The following RGS6 variants were observed in gnomAD, a reference collection of about 807,000 sequenced individuals.
RGS6 encodes regulator of G-protein signaling 6.
A neutral mutation model predicts 78.5 loss-of-function variants in RGS6; 30 were observed. That is an observed-to-expected ratio of 0.38 (90% CI 0.29 to 0.52). The LOEUF (loss-of-function observed/expected upper bound fraction) is 0.52. Among genes scored for constraint, RGS6 ranks in the 20% least tolerant of loss-of-function variants. The pLI is 0.85. For missense variants in RGS6, 495 were observed against 609.7 expected, an observed-to-expected ratio of 0.81 and a Z score of 1.98; for synonymous variants, 206 against 206.0, an observed-to-expected ratio of 1.00 and a Z score of 0.00.
At chr14:71,980,144 C>A (rs2094369961) in intron 2 of RGS6, among the ~76,000 whole-genome samples, 1 of 121,874 alleles carries the variant, frequency 8.2e-6, no homozygotes, top group South Asian at 3.3e-4. Context: ...TTATTTTGAG[C>A]CTATGTGTGT....
At chr14:72,465,926 T>G in intron 7 of RGS6, 104 bp downstream of exon 7, 1 of 846,456 alleles carries the variant, frequency 1.2e-6, no homozygotes. Context: ...CTTTTGTCCC[T>G]TTCAGACAGT....
chr14:72,159,555 T>A (rs2096824011), intron 2 of RGS6, among the ~76,000 whole-genome samples: 1 of 152,208 alleles, frequency 6.6e-6, no homozygotes, highest in Non-Finnish European at 1.5e-5. Flanking sequence ...CTAAAGGCAG[T>A]CTTTGAATGT....
chr14:72,005,435 A>ATGTCTC (rs2084322156), intron 2 of RGS6, among the ~76,000 whole-genome samples: 3 of 133,412 alleles, frequency 2.2e-5, no homozygotes, highest in Non-Finnish European at 5.0e-5. Context: ...ACACACCTGC[A>ATGTCTC]TATCTCTATC....
chr14:71,870,364 C>T, the RGS6 span, among the ~76,000 whole-genome samples: 6 of 152,230 alleles, frequency 3.9e-5, no homozygotes, highest in African/African-American at 1.4e-4. Flanking sequence ...TACATTACTA[C>T]CTCCTTATGA....
Position 72,204,577 on chromosome 14 carries a change from A to G in RGS6, c.85-147518A>G, listed in dbSNP as rs532391259. On this transcript the variant is annotated intron_variant, in intron 2 of 17. Coordinates refer to ENST00000553525, the MANE Select transcript of RGS6 (RefSeq NM_001204424.2). ...TGTCTCACAGTTCTAGAGGCTGGAA[A>G]GTCCAAAGGCAAGGCAGAGTCTGTC... Among the ~76,000 whole-genome samples the G allele has an allele frequency of 2.0e-5, 3 of 152,364 alleles. No individual in the cohort carries two copies. The East Asian group carries it at 5.8e-4, about 29-fold the overall frequency.
At chr14:72,331,784 G>A (rs762417427) in intron 2 of RGS6, among the ~76,000 whole-genome samples, 10 of 152,184 alleles carry the variant, frequency 6.6e-5, no homozygotes, top group Non-Finnish European at 1.0e-4. Flanking sequence ...AAGGGAAGGA[G>A]TGGCCAATTC....
intron 2 of RGS6, among the ~76,000 whole-genome samples, chr14:72,132,570 C>T (rs564648156): frequency 3.3e-5 from 5 of 152,264 alleles, no homozygotes; most frequent in South Asian, 2.1e-4. Context: ...TGAGCCACCA[C>T]GCCTGGCCCC....
chr14:72,430,972 C>A (rs1198124175), intron 3 of RGS6, among the ~76,000 whole-genome samples: 3 of 152,198 alleles, frequency 2.0e-5, no homozygotes, highest in Non-Finnish European at 4.4e-5. Context: ...CCTTCCCCTG[C>A]TGGCTATCGA....
At chr14:72,602,393 C>T in the RGS6 span, among the ~76,000 whole-genome samples, 66 of 152,292 alleles carry the variant, frequency 4.3e-4, 1 homozygote, top group Admixed American at 1.6e-3. Flanking sequence ...TTAATCCTCA[C>T]GGCAACCCTA....
chr14:72,400,933 G>A (rs200105006), intron 3 of RGS6, among the ~76,000 whole-genome samples: 4 of 151,866 alleles, frequency 2.6e-5, no homozygotes, highest in Non-Finnish European at 4.4e-5. Flanking sequence ...GGCCAGGCCA[G>A]GCCAAGCCTT....
chr14:72,260,368 T>C, intron 2 of RGS6, among the ~76,000 whole-genome samples: 1 of 152,212 alleles, frequency 6.6e-6, no homozygotes, highest in East Asian at 1.9e-4. Context: ...TTCTCCAAAG[T>C]TGAAAATGAG....
intron 17 of RGS6, among the ~76,000 whole-genome samples, chr14:72,551,869 T>C (rs1046273594): frequency 6.6e-6 from 1 of 152,198 alleles, no homozygotes; most frequent in African/African-American, 2.4e-5. Flanking sequence ...GTTGTTTGAA[T>C]TGCACAGCTT....
the RGS6 span, among the ~76,000 whole-genome samples, chr14:71,923,670 T>G: frequency 6.6e-6 from 1 of 152,054 alleles, no homozygotes; most frequent in Admixed American, 6.6e-5. Context: ...TCATGTCAAG[T>G]AAAAGAAGCC....
chr14:72,291,765 A>G (rs2063615963), intron 2 of RGS6, among the ~76,000 whole-genome samples: 3 of 152,146 alleles, frequency 2.0e-5, no homozygotes, highest in Admixed American at 2.0e-4. Context: ...CACAATAGCA[A>G]ATTTTTAAAA....
intron 2 of RGS6, among the ~76,000 whole-genome samples, chr14:72,032,899 T>C (rs1254393385): frequency 6.6e-6 from 1 of 152,214 alleles, no homozygotes; most frequent in Non-Finnish European, 1.5e-5. Flanking sequence ...CTATTGTGAA[T>C]AATGCTGTAA....
intron 1 of RGS6, among the ~76,000 whole-genome samples, chr14:71,951,168 CAAT>C (rs1339005026): frequency 6.6e-6 from 1 of 152,082 alleles, no homozygotes; most frequent in Admixed American, 6.6e-5. Flanking sequence ...AAATACCCAT[CAAT>C]AATAGACTGG....
intron 2 of RGS6, among the ~76,000 whole-genome samples, chr14:72,169,703 C>T (rs1199438893): frequency 6.6e-6 from 1 of 152,152 alleles, no homozygotes; most frequent in Non-Finnish European, 1.5e-5. Context: ...TTACAGATGG[C>T]TGTGGCCATG....
At position 72,243,034 on chromosome 14, in the gene RGS6, TAG is replaced by T. The variant is rs1256920875; in HGVS notation, c.85-109058_85-109057del. 3.3e-5 allele frequency among the ~76,000 whole-genome samples: 5 copies of T among 151,850 alleles called. No homozygotes were observed. The East Asian group carries it at 9.7e-4, about 29-fold the overall frequency. On this transcript the variant is annotated intron_variant, in intron 2 of 17. Transcript: ENST00000553525. ...TGGCTTTTTGTGTGTGTGTTTTTAATAGAGTCAGGGTTTCACCACGTGGGTCA... is the reference window on the plus strand; with the variant it reads ...TGGCTTTTTGTGTGTGTGTTTTTAATAGTCAGGGTTTCACCACGTGGGTCA...
Position 72,565,534 on chromosome 14 carries a change from G to A in RGS6, c.*3067G>A, listed in dbSNP as rs2097706119. 1 of 152,214 alleles carries A rather than the reference G, an allele frequency of 6.6e-6. No individual in the cohort carries two copies. The highest frequency in any genetic ancestry group is 6.5e-5 in the Admixed American group (1 of 15,286). The allele number at this position is 152,214 out of a possible 1,614,324, so 9.4% of individuals were successfully genotyped here. A position where few individuals can be genotyped will look rare whatever the true frequency, so the allele number is the denominator to read the frequency against. On this transcript the variant is annotated 3_prime_UTR_variant, in exon 18 of 18. Coordinates refer to ENST00000553525, the MANE Select transcript of RGS6 (RefSeq NM_001204424.2). ...TGCTATACCCCAGGAACAAAGCAGG[G>A]CCCAACTGCCAGTGCAGTCAGCTGG...
Sources: gnomAD v4.1 joint callset for allele counts (sites outside exome capture counted in the v4.1 genomes callset) on GRCh38, gnomAD v4.1.1 for gene constraint, MANE v1.5 for transcripts, NCBI Gene and HGNC (gene_info 2026-07-23, HGNC 2026-07-21) for gene names.